Variants in PDE4DIP observed in about 807,000 individuals in gnomAD.
PDE4DIP encodes the protein myomegalin.
A neutral mutation model predicts 221.4 loss-of-function variants in PDE4DIP; 59 were observed. The ratio of observed to expected loss-of-function variants is 0.27; its 90% CI spans 0.22 to 0.33. The LOEUF (loss-of-function observed/expected upper bound fraction) is 0.33. Among genes scored for constraint, PDE4DIP ranks in the 10% least tolerant of loss-of-function variants. The pLI is 1.00. For missense variants in PDE4DIP, 1,036 were observed against 2,154.2 expected (o/e 0.48, Z 10.28); for synonymous variants, 404 against 815.9 (o/e 0.50, Z 8.60).
chr1:148,933,770 C>T, intron 4 of PDE4DIP, among the ~76,000 whole-genome samples: 1 of 152,112 alleles, frequency 6.6e-6, no homozygotes, highest in East Asian at 1.9e-4. Context: ...ATCCATACTC[C>T]TAATGTGACC....
At chr1:148,933,546 T>C (rs1231715040) in intron 4 of PDE4DIP, among the ~76,000 whole-genome samples, 3 of 152,226 alleles carry the variant, frequency 2.0e-5, no homozygotes, top group African/African-American at 7.2e-5. Flanking sequence ...AGAGTAGTTC[T>C]GAAATAGATA....
rs1221031481 is a variant in PDE4DIP at position 148,961,738 on chromosome 1, AAG to A, written c.769-97_769-96del. On this transcript the variant is annotated intron_variant, in intron 6 of 43. Transcript: ENST00000369354. ...GAAAAATAACAAGGTAATATCCCCT[AAG>A]AAATTCTTTAAATCCTAGATTTGAG... 8 of 623,400 alleles carry A rather than the reference AAG, an allele frequency of 1.3e-5. No individual in the cohort carries two copies. In the Admixed American group the frequency reaches 1.9e-4, roughly 15 times the overall value. The allele number at this position is 623,400 out of a possible 1,614,324, so 38.6% of individuals were successfully genotyped here. A position where few individuals can be genotyped will look rare whatever the true frequency, so the allele number is the denominator to read the frequency against.
intron 4 of PDE4DIP, among the ~76,000 whole-genome samples, chr1:148,933,623 A>G (rs1212770949): frequency 6.6e-6 from 1 of 152,218 alleles, no homozygotes; most frequent in Non-Finnish European, 1.5e-5. Context: ...TGGTATAAAA[A>G]GCTTTAAGGA....
At chr1:148,827,499 C>G (rs1258360686) in intron 1 of PDE4DIP, among the ~76,000 whole-genome samples, 2 of 88,690 alleles carry the variant, frequency 2.3e-5, no homozygotes, top group African/African-American at 6.9e-5. Context: ...TGTGATCCCC[C>G]CGCCTTGGCC....
rs2762866 is a variant in PDE4DIP at position 148,953,918 on chromosome 1, G to A, written c.637-6736G>A. Reference sequence around the variant, plus strand: ...GCTCCGGGTCCAGGTATACAAAACGGCTACATAGTGCCTTTCTGATTATAG... The same window carrying A: ...GCTCCGGGTCCAGGTATACAAAACGACTACATAGTGCCTTTCTGATTATAG... On this transcript the variant is annotated intron_variant, in intron 5 of 43. Transcript: ENST00000369354. 4 of 1,600,778 alleles carry A rather than the reference G, an allele frequency of 2.5e-6. No homozygotes were observed. In the Admixed American group the frequency reaches 7.1e-5, roughly 28 times the overall value.
At chr1:148,953,694 GC>G in intron 5 of PDE4DIP, 4 of 1,392,430 alleles carry the variant, frequency 2.9e-6, no homozygotes, top group Non-Finnish European at 4.1e-6. Context: ...CCCATCCAGA[GC>G]CCCCGAGGGA....
At chr1:148,836,113 CT>C (rs1673305888) in intron 1 of PDE4DIP, among the ~76,000 whole-genome samples, 1 of 136,044 alleles carries the variant, frequency 7.4e-6, no homozygotes, top group South Asian at 2.5e-4. Context: ...CTTTGTTTAC[CT>C]ACTCCAGCCT....
rs2798852 is a variant in PDE4DIP at position 149,025,302 on chromosome 1, C to T, written c.6325+618C>T. ...TCATTGTGCCCTGTCTCAGTATTGC[C>T]GACCTTCCCAGATTCTCTAGTCCCC... is the stretch of plus-strand genomic sequence containing the variant. On this transcript the variant is annotated intron_variant, in intron 38 of 43. Coordinates refer to ENST00000369354, the Ensembl canonical transcript of PDE4DIP. Among the ~76,000 whole-genome samples the T allele has an allele frequency of 8.0e-3, 1,217 of 151,964 alleles. 25 individuals carry two copies. The highest frequency in any genetic ancestry group is 0.028 in the African/African-American group (1,156 of 41,368).
chr1:148,893,053 A>T, intron 1 of PDE4DIP, among the ~76,000 whole-genome samples: 1 of 91,450 alleles, frequency 1.1e-5, no homozygotes, highest in Non-Finnish European at 2.0e-5. Flanking sequence ...ATTTATATAT[A>T]TATGTGTGTG....
At chr1:148,888,413 GGT>G (rs1696964601), upstream of PDE4DIP, among the ~76,000 whole-genome samples, 1 of 141,264 alleles carries the variant, frequency 7.1e-6, no homozygotes, top group Non-Finnish European at 1.6e-5. Context: ...TGTCCTACCT[GGT>G]GAGTACTCAG....
intron 23 of PDE4DIP, 100 bp downstream of exon 26, chr1:148,998,475 T>C: frequency 1.7e-6 from 1 of 586,408 alleles, no homozygotes; most frequent in South Asian, 2.3e-5. Context: ...TTCTACAAAT[T>C]CTTTAGATAA....
In PDE4DIP at chr1:149,010,574, G is replaced by T; in HGVS notation, c.5059G>T (p.Glu1687Ter). ...GCCAACTCCCCAGAATACCCCCAAGGAGGCCAACCAGGCCCATTCAGGTAT... is the reference window on the plus strand; with the variant it reads ...GCCAACTCCCCAGAATACCCCCAAGTAGGCCAACCAGGCCCATTCAGGTAT... The change falls in exon 31 of 44, where the codon GAG becomes TAG. Residue 1687 changes from glutamate (E) to a stop codon, truncating the protein, a stop_gained. Coordinates refer to ENST00000369354, the Ensembl canonical transcript of PDE4DIP. LOFTEE classifies it high-confidence loss of function. The T allele has an allele frequency of 1.2e-6, 2 of 1,614,094 alleles. No homozygotes were observed. Among genetic ancestry groups the T allele is most frequent in the South Asian group, 2.2e-5 (2 of 91,080 alleles).
chr1:148,953,538 C>T (rs782496554), intron 5 of PDE4DIP: 1 of 1,614,164 alleles, frequency 6.2e-7, no homozygotes, highest in Non-Finnish European at 8.5e-7. Context: ...CAGGCTAGCC[C>T]TCCACAACAG....
Position 148,923,619 on chromosome 1 carries a change from G to A in PDE4DIP, c.142-5578G>A, listed in dbSNP as rs57565791. ...CTCTCAAGTAGCTGGGACTACAGGA[G>A]CCCGCCACCGCTCCCGGCTAATTTT... On this transcript the variant is annotated intron_variant, in intron 1 of 43. Coordinates refer to ENST00000369354, the Ensembl canonical transcript of PDE4DIP. Among the ~76,000 whole-genome samples, 329 of 144,866 alleles carry A rather than the reference G, an allele frequency of 2.3e-3. 42 individuals are homozygous for A. Among genetic ancestry groups the A allele is most frequent in the African/African-American group, 3.6e-3 (135 of 37,534 alleles).
chr1:149,021,255 AGT>A, intron 37 of PDE4DIP, 102 bp downstream of exon 40: 1 of 815,246 alleles, frequency 1.2e-6, no homozygotes, highest in Admixed American at 2.2e-5. Flanking sequence ...GAAGCTACAG[AGT>A]TCTGTTGCAG....
chr1:148,859,560 T>C (rs587656827), intron 1 of PDE4DIP, among the ~76,000 whole-genome samples: 2 of 152,302 alleles, frequency 1.3e-5, no homozygotes, highest in South Asian at 4.1e-4. Flanking sequence ...AGTTCATTTA[T>C]ACAGAAAAAG....
chr1:149,025,435 A>T (rs2074867083), intron 38 of PDE4DIP, among the ~76,000 whole-genome samples: 1 of 152,122 alleles, frequency 6.6e-6, no homozygotes, highest in South Asian at 2.1e-4. Context: ...TCGGGTGGTC[A>T]TCATTCGCTT....
intron 9 of PDE4DIP, among the ~76,000 whole-genome samples, chr1:148,964,005 G>A (rs587652847): frequency 3.3e-5 from 5 of 151,534 alleles, no homozygotes; most frequent in African/African-American, 1.2e-4. Context: ...TGATCCGCCC[G>A]CCTCAGCCTC....
chr1:149,030,679 A>C lies in PDE4DIP; in HGVS notation c.6999+401A>C, dbSNP rs1553636279. 3.1e-6 allele frequency: 3 copies of C among 959,734 alleles called. No homozygotes were observed. The African/African-American group carries it at 5.3e-5, about 17-fold the overall frequency. 59.5% of individuals were successfully genotyped at this position (959,734 alleles called of 1,614,324 possible). A position where few individuals can be genotyped will look rare whatever the true frequency, so the allele number is the denominator to read the frequency against. On this transcript the variant is annotated intron_variant, in intron 43 of 43. Coordinates refer to ENST00000369354, the Ensembl canonical transcript of PDE4DIP. ...TTATGTGTTCTACTCTTCATGAAAAAGTAAAAGCAATTTGCAACCTAATAA... is the reference window on the plus strand; with the variant it reads ...TTATGTGTTCTACTCTTCATGAAAACGTAAAAGCAATTTGCAACCTAATAA...
Sources: gnomAD v4.1 joint callset for allele counts (sites outside exome capture counted in the v4.1 genomes callset) on GRCh38, gnomAD v4.1.1 for gene constraint, MANE v1.5 for transcripts, NCBI Gene and HGNC (gene_info 2026-07-23, HGNC 2026-07-21) for gene names.